GRM1: variants seen among roughly 807,000 people sequenced by gnomAD.
The protein encoded by GRM1 is metabotropic glutamate receptor 1.
In GRM1, 33 loss-of-function variants were observed where a neutral mutation model predicts 90.9. The ratio of observed to expected loss-of-function variants is 0.36; its 90% CI spans 0.28 to 0.49. The LOEUF is 0.49. Ranked by LOEUF, GRM1 falls within the 20% of genes least tolerant of loss-of-function variation. GRM1 has a pLI of 0.99. For missense variants in GRM1, 1,190 were observed against 1,534.3 expected, an observed-to-expected ratio of 0.78 and a Z score of 3.75; for synonymous variants, 700 against 613.2, an observed-to-expected ratio of 1.14 and a Z score of -2.09.
At chr6:146,110,248 G>A (rs896640407) in intron 1 of GRM1, among the ~76,000 whole-genome samples, 10 of 152,148 alleles carry the variant, frequency 6.6e-5, no homozygotes, top group Non-Finnish European at 1.3e-4. Context: ...CCCACATGTC[G>A]TGGGAGGAAC....
chr6:146,178,353 A>AT, intron 2 of GRM1, among the ~76,000 whole-genome samples: 1 of 152,250 alleles, frequency 6.6e-6, no homozygotes, highest in East Asian at 1.9e-4. Flanking sequence ...TTTTCATCAT[A>AT]TTATATAGGT....
chr6:146,174,745 C>A (rs992226691), intron 2 of GRM1, among the ~76,000 whole-genome samples: 8 of 152,196 alleles, frequency 5.3e-5, no homozygotes, highest in African/African-American at 1.2e-4. Context: ...AGAGGAAAGT[C>A]TTGGCTGAGG....
chr6:146,327,083 A>T (rs1784422432), intron 3 of GRM1, among the ~76,000 whole-genome samples: 1 of 152,208 alleles, frequency 6.6e-6, no homozygotes, highest in Admixed American at 6.5e-5. Flanking sequence ...TATCACAATC[A>T]GTGAACCAGT....
At chr6:146,257,552 C>T (rs1302171303) in intron 2 of GRM1, among the ~76,000 whole-genome samples, 1 of 129,842 alleles carries the variant, frequency 7.7e-6, no homozygotes, top group East Asian at 2.0e-4. Flanking sequence ...TATGTGTGTA[C>T]ATATATATAT....
chr6:146,415,978 T>C (rs1228712709), intron 7 of GRM1, among the ~76,000 whole-genome samples: 2 of 152,182 alleles, frequency 1.3e-5, no homozygotes, highest in East Asian at 3.8e-4. Flanking sequence ...AGAAACAGGG[T>C]CTACTTTGTC....
chr6:146,304,482 A>T, intron 2 of GRM1, 129 bp from the exon 3 acceptor site: 1 of 730,476 alleles, frequency 1.4e-6, no homozygotes, highest in Non-Finnish European at 2.5e-6. Flanking sequence ...AAAAAAGTTG[A>T]TGGGTAGTAA....
intron 2 of GRM1, among the ~76,000 whole-genome samples, chr6:146,235,834 C>A (rs376276640): frequency 9.3e-5 from 14 of 151,072 alleles, no homozygotes; most frequent in African/African-American, 3.4e-4. Context: ...TGTCTGTTGT[C>A]CACCTTTTTC....
At chr6:146,096,944 G>T (rs907790034) in intron 1 of GRM1, among the ~76,000 whole-genome samples, 1 of 151,814 alleles carries the variant, frequency 6.6e-6, no homozygotes, top group African/African-American at 2.4e-5. Flanking sequence ...ACAGATTGTT[G>T]CTTACTTTTT....
At chr6:146,255,656 C>A (rs774056712) in intron 2 of GRM1, among the ~76,000 whole-genome samples, 96 of 152,130 alleles carry the variant, frequency 6.3e-4, no homozygotes, top group South Asian at 1.2e-3. Flanking sequence ...TCATTTTCTT[C>A]TTCAAACCAG....
At chr6:146,151,590 T>G (rs1337639256) in intron 1 of GRM1, among the ~76,000 whole-genome samples, 1 of 152,206 alleles carries the variant, frequency 6.6e-6, no homozygotes, top group Non-Finnish European at 1.5e-5. Context: ...ATCTGTTTCA[T>G]GGGTCAATGA....
At chr6:146,163,311 C>T (rs919650910) in intron 2 of GRM1, among the ~76,000 whole-genome samples, 2 of 152,132 alleles carry the variant, frequency 1.3e-5, no homozygotes, top group African/African-American at 4.8e-5. Context: ...ATTTAAGATG[C>T]TTCTCAGAAT....
intron 7 of GRM1, among the ~76,000 whole-genome samples, chr6:146,424,168 C>T (rs1778111395): frequency 1.3e-5 from 2 of 152,222 alleles, no homozygotes; most frequent in Non-Finnish European, 2.9e-5. Flanking sequence ...AGTGCAGAGA[C>T]ACCTAAGGTA....
intron 2 of GRM1, among the ~76,000 whole-genome samples, chr6:146,241,279 A>G (rs771428904): frequency 5.3e-5 from 8 of 152,138 alleles, no homozygotes; most frequent in Non-Finnish European, 1.0e-4. Flanking sequence ...TGAGACATGT[A>G]TAAGATACCG....
chr6:146,122,876 G>T (rs1195578395), intron 1 of GRM1, among the ~76,000 whole-genome samples: 4 of 84,274 alleles, frequency 4.7e-5, no homozygotes, highest in African/African-American at 9.4e-5. Flanking sequence ...ACTGAGTCTT[G>T]CTCTGTCTCC....
intron 1 of GRM1, among the ~76,000 whole-genome samples, chr6:146,062,183 G>A (rs1240214654): frequency 6.6e-6 from 1 of 152,124 alleles, no homozygotes; most frequent in African/African-American, 2.4e-5. Flanking sequence ...ATGAGTTCAT[G>A]TCCTTTGCGG....
chr6:146,310,169 A>T (rs555715223), intron 3 of GRM1, among the ~76,000 whole-genome samples: 6 of 152,350 alleles, frequency 3.9e-5, no homozygotes, highest in African/African-American at 1.4e-4. Flanking sequence ...ACATTTTAAG[A>T]CTTTGAAGCA....
chr6:146,413,236 C>T (rs1485791263), intron 7 of GRM1, among the ~76,000 whole-genome samples: 1 of 152,080 alleles, frequency 6.6e-6, no homozygotes, highest in Non-Finnish European at 1.5e-5. Flanking sequence ...TTTGCTGCCC[C>T]CAAATCTGAT....
chr6:146,163,781 T>C (rs1777816031), intron 2 of GRM1, among the ~76,000 whole-genome samples: 1 of 152,210 alleles, frequency 6.6e-6, no homozygotes, highest in African/African-American at 2.4e-5. Flanking sequence ...GTATCTCCCA[T>C]GAGAAAATTA....
intron 1 of GRM1, among the ~76,000 whole-genome samples, chr6:146,062,343 G>A (rs190314528): frequency 1.6e-5 from 2 of 128,628 alleles, no homozygotes; most frequent in Non-Finnish European, 1.8e-5. Context: ...GGGCCTGTTG[G>A]GGGGTAGGGG....
Sources: gnomAD v4.1 joint callset for allele counts (sites outside exome capture counted in the v4.1 genomes callset) on GRCh38, gnomAD v4.1.1 for gene constraint, MANE v1.5 for transcripts, NCBI Gene and HGNC (gene_info 2026-07-23, HGNC 2026-07-21) for gene names.